MACROD2: variants seen among roughly 807,000 people sequenced by gnomAD.
MACROD2 encodes the protein ADP-ribose glycohydrolase MACROD2.
In MACROD2, 36 loss-of-function variants were observed where a neutral mutation model predicts 70.4. The ratio of observed to expected loss-of-function variants is 0.51; its 90% confidence interval spans 0.39 to 0.68. The LOEUF is 0.68. MACROD2 is among the 30% of genes least tolerant of loss of function. The pLI, the probability that MACROD2 is intolerant of heterozygous loss-of-function variation, is 0.00. For synonymous variants in MACROD2, 172 were observed against 178.8 expected (o/e 0.96, Z 0.30); for missense variants, 496 against 538.4 (o/e 0.92, Z 0.78).
intron 3 of MACROD2, among the ~76,000 whole-genome samples, chr20:14,454,966 A>G (rs935228767): frequency 6.6e-5 from 10 of 151,680 alleles, no homozygotes; most frequent in African/African-American, 2.4e-4. Flanking sequence ...GTTAGCCAGG[A>G]TGGTCTCGAT....
intron 8 of MACROD2, among the ~76,000 whole-genome samples, chr20:15,623,465 A>C (rs2049156013): frequency 6.6e-6 from 1 of 152,170 alleles, no homozygotes; most frequent in African/African-American, 2.4e-5. Context: ...CAGATGACTG[A>C]GAGGAGGTTT....
At chr20:15,841,814 G>A (rs1455406879) in intron 8 of MACROD2, among the ~76,000 whole-genome samples, 1 of 152,144 alleles carries the variant, frequency 6.6e-6, no homozygotes, top group Non-Finnish European at 1.5e-5. Flanking sequence ...TTTATTAAGG[G>A]AGAGGTAGTT....
chr20:15,087,641 G>C (rs963489393), intron 5 of MACROD2, among the ~76,000 whole-genome samples: 17 of 151,940 alleles, frequency 1.1e-4, no homozygotes, highest in African/African-American at 4.1e-4. Context: ...GTTTAACTTT[G>C]CGGTAGGAGA....
intron 5 of MACROD2, among the ~76,000 whole-genome samples, chr20:15,219,671 T>C (rs2076841207): frequency 6.6e-6 from 1 of 152,224 alleles, no homozygotes; most frequent in African/African-American, 2.4e-5. Flanking sequence ...AGCCTAGGTT[T>C]AGTGCAGAGC....
chr20:14,684,746 A>C (rs1255529738), intron 4 of MACROD2, 97 bp from the exon 5 acceptor site: 2 of 955,904 alleles, frequency 2.1e-6, no homozygotes, highest in Non-Finnish European at 3.3e-6. Flanking sequence ...GGTTATTTAC[A>C]GGAAGAACAA....
At chr20:14,821,964 T>C (rs894406582) in intron 5 of MACROD2, among the ~76,000 whole-genome samples, 2 of 152,108 alleles carry the variant, frequency 1.3e-5, no homozygotes, top group Non-Finnish European at 2.9e-5. Context: ...TATTTCATAC[T>C]TCTAAATGGA....
chr20:14,193,589 T>C (rs1229351544), intron 3 of MACROD2, among the ~76,000 whole-genome samples: 1 of 152,068 alleles, frequency 6.6e-6, no homozygotes, highest in Non-Finnish European at 1.5e-5. Flanking sequence ...GACCTAGGGA[T>C]CAATGGGAAG....
intron 5 of MACROD2, among the ~76,000 whole-genome samples, chr20:14,908,377 A>T (rs2073985705): frequency 1.3e-5 from 2 of 151,612 alleles, no homozygotes; most frequent in South Asian, 4.2e-4. Flanking sequence ...ATTGTCGGCC[A>T]CGCATGGTGG....
chr20:14,699,746 T>C (rs2071170204), intron 5 of MACROD2, among the ~76,000 whole-genome samples: 2 of 152,278 alleles, frequency 1.3e-5, no homozygotes, highest in South Asian at 4.1e-4. Flanking sequence ...TCAACTTTTA[T>C]CACAGAACTT....
At chr20:15,943,398 C>A (rs752067319) in intron 12 of MACROD2, among the ~76,000 whole-genome samples, 7 of 152,154 alleles carry the variant, frequency 4.6e-5, no homozygotes, top group Non-Finnish European at 8.8e-5. Flanking sequence ...CACCATCCCC[C>A]ACTAAGCGTC....
chr20:14,108,622 G>A (rs2054404109), intron 3 of MACROD2, among the ~76,000 whole-genome samples: 1 of 151,864 alleles, frequency 6.6e-6, no homozygotes, highest in Non-Finnish European at 1.5e-5. Context: ...AGCTATACTT[G>A]TATCAGACAA....
intron 4 of MACROD2, among the ~76,000 whole-genome samples, chr20:14,614,765 C>T (rs1983378066): frequency 6.6e-6 from 1 of 152,118 alleles, no homozygotes; most frequent in Non-Finnish European, 1.5e-5. Flanking sequence ...ATGTGCTACA[C>T]ACTTTGGAGT....
intron 3 of MACROD2, among the ~76,000 whole-genome samples, chr20:14,115,348 A>C (rs2148688047): frequency 6.6e-6 from 1 of 152,244 alleles, no homozygotes; most frequent in Admixed American, 6.5e-5. Context: ...AACATTTCTG[A>C]TTTACTATTT....
At chr20:15,533,450 T>A (rs1256911945) in intron 8 of MACROD2, among the ~76,000 whole-genome samples, 1 of 152,150 alleles carries the variant, frequency 6.6e-6, no homozygotes, top group Admixed American at 6.5e-5. Context: ...TATTACGGGG[T>A]ACTTTAAGTG....
intron 2 of MACROD2, among the ~76,000 whole-genome samples, chr20:14,033,382 A>G (rs1260678126): frequency 6.6e-6 from 1 of 151,898 alleles, no homozygotes; most frequent in Non-Finnish European, 1.5e-5. Flanking sequence ...ATCCCCTCTC[A>G]TCCTTCTGTT....
At chr20:14,768,405 T>A (rs938006613) in intron 5 of MACROD2, among the ~76,000 whole-genome samples, 4 of 152,136 alleles carry the variant, frequency 2.6e-5, no homozygotes, top group Admixed American at 6.5e-5. Context: ...AATTTGGGAA[T>A]TGATATCAGT....
chr20:15,709,115 C>T (rs2050585035), intron 8 of MACROD2, among the ~76,000 whole-genome samples: 1 of 152,074 alleles, frequency 6.6e-6, no homozygotes, highest in South Asian at 2.1e-4. Context: ...GGCAAAGAAC[C>T]GAGGAATCTT....
At chr20:15,136,181 T>C (rs1263523751) in intron 5 of MACROD2, among the ~76,000 whole-genome samples, 1 of 149,456 alleles carries the variant, frequency 6.7e-6, no homozygotes, top group East Asian at 1.9e-4. Flanking sequence ...AAGCTACCAA[T>C]GACTTTCTTC....
At chr20:14,438,373 C>T (rs1215630860) in intron 3 of MACROD2, among the ~76,000 whole-genome samples, 1 of 152,198 alleles carries the variant, frequency 6.6e-6, no homozygotes. Context: ...CTGCTGTGAA[C>T]ATGGAAGTGC....
Sources: allele counts gnomAD v4.1 joint callset (sites outside exome capture counted in the v4.1 genomes callset), GRCh38; gene constraint gnomAD v4.1.1; transcripts MANE v1.5; gene names NCBI Gene and HGNC (gene_info 2026-07-23, HGNC 2026-07-21).